GRXCR2: variants seen among roughly 807,000 people sequenced by gnomAD.
The protein encoded by GRXCR2 is glutaredoxin domain-containing cysteine-rich protein 2.
In GRXCR2, 23 loss-of-function variants were observed where a neutral mutation model predicts 24.8. That is an observed-to-expected ratio of 0.93 (90% CI 0.67 to 1.32). The LOEUF (loss-of-function observed/expected upper bound fraction) is 1.32. Ranked by LOEUF, GRXCR2 falls within the 40% of genes most tolerant of loss-of-function variation. The pLI is 0.00. For synonymous variants in GRXCR2, 130 were observed against 116.1 expected (o/e 1.12, Z -0.77); for missense variants, 315 against 303.4 (o/e 1.04, Z -0.28).
chr5:145,864,598 T>C (rs1441590488), intron 2 of GRXCR2, among the ~76,000 whole-genome samples: 1 of 152,118 alleles, frequency 6.6e-6, no homozygotes, highest in Non-Finnish European at 1.5e-5. Context: ...CTGGTGGTTT[T>C]AAAGCATGGC....
intron 2 of GRXCR2, among the ~76,000 whole-genome samples, chr5:145,914,457 C>G (rs1757207891): frequency 6.6e-6 from 1 of 151,932 alleles, no homozygotes; most frequent in African/African-American, 2.4e-5. Context: ...AGGTGGATCA[C>G]CTGAGGTCAG....
chr5:145,890,211 T>G (rs1756844883), intron 2 of GRXCR2, among the ~76,000 whole-genome samples: 1 of 152,150 alleles, frequency 6.6e-6, no homozygotes, highest in Non-Finnish European at 1.5e-5. Context: ...GCCCTCAACC[T>G]CCTGAATACC....
intron 2 of GRXCR2, among the ~76,000 whole-genome samples, chr5:145,925,951 T>A (rs897787038): frequency 7.9e-5 from 12 of 152,058 alleles, no homozygotes; most frequent in African/African-American, 2.9e-4. Context: ...TTTGCAACTT[T>A]CTCACTTGTG....
At chr5:145,908,288 T>G (rs1448850550) in intron 2 of GRXCR2, among the ~76,000 whole-genome samples, 1 of 152,206 alleles carries the variant, frequency 6.6e-6, no homozygotes, top group Non-Finnish European at 1.5e-5. Context: ...AATGACCATG[T>G]ACAAGAAAAT....
intron 2 of GRXCR2, 64 bp from the exon 3 acceptor site, chr5:145,859,979 C>A (rs373389385): frequency 3.8e-6 from 5 of 1,324,180 alleles, no homozygotes; most frequent in South Asian, 3.0e-5. Flanking sequence ...ACATGCAGGT[C>A]AAAACAGCAC....
chr5:145,870,443 T>C (rs1756509773), intron 1 of GRXCR2, among the ~76,000 whole-genome samples: 1 of 152,206 alleles, frequency 6.6e-6, no homozygotes, highest in Non-Finnish European at 1.5e-5. Context: ...AATATTGTGT[T>C]GTATGTACAT....
At chr5:145,877,805 C>A (rs535395354), upstream of GRXCR2, among the ~76,000 whole-genome samples, 30 of 152,212 alleles carry the variant, frequency 2.0e-4, no homozygotes, top group Non-Finnish European at 3.8e-4. Flanking sequence ...GGGTGCCCCT[C>A]TGGGATGAAG....
chr5:145,891,788 G>T (rs1040999832), intron 2 of GRXCR2, among the ~76,000 whole-genome samples: 3 of 152,160 alleles, frequency 2.0e-5, no homozygotes, highest in Non-Finnish European at 4.4e-5. Context: ...GAGAGTGGTG[G>T]TTCTCCCAGC....
chr5:145,909,736 C>A (rs552183837), intron 2 of GRXCR2, among the ~76,000 whole-genome samples: 3 of 152,294 alleles, frequency 2.0e-5, no homozygotes, highest in African/African-American at 7.2e-5. Flanking sequence ...ATTCTCTCAC[C>A]ACCTGTCTGA....
intron 2 of GRXCR2, among the ~76,000 whole-genome samples, chr5:145,892,167 A>G (rs1480167568): frequency 6.6e-6 from 1 of 152,150 alleles, no homozygotes; most frequent in African/African-American, 2.4e-5. Flanking sequence ...GGTAGATAAA[A>G]CCACAAAGAT....
At chr5:145,929,223 A>ATATATATATATATATATATATC in intron 2 of GRXCR2, among the ~76,000 whole-genome samples, 1 of 142,898 alleles carries the variant, frequency 7.0e-6, no homozygotes, top group African/African-American at 2.6e-5. Context: ...ATATATATAT[A>ATATATATATATATATATATATC]TCACCATTTA....
At chr5:145,914,837 T>C (rs889197721) in intron 2 of GRXCR2, among the ~76,000 whole-genome samples, 1 of 152,188 alleles carries the variant, frequency 6.6e-6, no homozygotes, top group Non-Finnish European at 1.5e-5. Context: ...ATTATGTCCT[T>C]GGGCATCTGT....
At chr5:145,871,343 C>T (rs974381722) in intron 1 of GRXCR2, among the ~76,000 whole-genome samples, 6 of 151,882 alleles carry the variant, frequency 4.0e-5, no homozygotes, top group Non-Finnish European at 8.8e-5. Flanking sequence ...AGGAACATGC[C>T]CTAAAGCAAA....
At chr5:145,931,645 C>G (rs1757479573) in intron 2 of GRXCR2, among the ~76,000 whole-genome samples, 1 of 152,194 alleles carries the variant, frequency 6.6e-6, no homozygotes, top group African/African-American at 2.4e-5. Context: ...GTCATTCCTC[C>G]TCTTGAATTG....
At chr5:145,911,757 C>G (rs892040459) in intron 2 of GRXCR2, among the ~76,000 whole-genome samples, 1 of 152,166 alleles carries the variant, frequency 6.6e-6, no homozygotes, top group East Asian at 1.9e-4. Flanking sequence ...ACTGACAGCA[C>G]AAAGAGAATG....
At chr5:145,916,210 T>G (rs2149927104) in intron 2 of GRXCR2, among the ~76,000 whole-genome samples, 1 of 152,274 alleles carries the variant, frequency 6.6e-6, no homozygotes, top group African/African-American at 2.4e-5. Flanking sequence ...ACAAACTGAC[T>G]GTACGTGTGT....
At chr5:145,907,117 A>G (rs1757103012) in intron 2 of GRXCR2, among the ~76,000 whole-genome samples, 1 of 152,108 alleles carries the variant, frequency 6.6e-6, no homozygotes, top group Non-Finnish European at 1.5e-5. Flanking sequence ...GATTAGAGTG[A>G]TAATAGGGGA....
chr5:145,859,900 CG>C lies in GRXCR2; in HGVS notation c.579del (p.Glu194ArgfsTer37). 6.3e-7 allele frequency: 1 copy of C among 1,580,174 alleles called. No individual in the cohort carries two copies. Among genetic ancestry groups the C allele is most frequent in the Non-Finnish European group, 8.6e-7 (1 of 1,162,736 alleles). On this transcript the variant is annotated frameshift_variant, in exon 3 of 3. Transcript: ENST00000377976. LOFTEE classifies it high-confidence loss of function. ...CCTCGGCAGTGAAAACAGCTGTCCT[CG>C]GGAATATCCCCTTCCTGCAAGAGAC... Reference protein sequence around the residue: ...QNRYTQEGDIPEDSCFHCRGS... With the variant: ...QNRYTQEGDIXEDSCFHCRGS...
At chr5:145,876,080 T>C (rs1020065504), upstream of GRXCR2, among the ~76,000 whole-genome samples, 3 of 151,416 alleles carry the variant, frequency 2.0e-5, no homozygotes, top group South Asian at 4.2e-4. Context: ...GGCAAGAGGA[T>C]TGCTTGAGCC....
Sources: gnomAD v4.1 joint callset for allele counts (sites outside exome capture counted in the v4.1 genomes callset) on GRCh38, gnomAD v4.1.1 for gene constraint, MANE v1.5 for transcripts, NCBI Gene and HGNC (gene_info 2026-07-23, HGNC 2026-07-21) for gene names.